MIA2: variants seen among roughly 807,000 people sequenced by gnomAD.
MIA2 encodes the protein melanoma inhibitory activity protein 2.
A neutral mutation model predicts 167.8 loss-of-function variants in MIA2; 127 were observed. The ratio of observed to expected loss-of-function variants is 0.76; its 90% CI spans 0.66 to 0.88. The LOEUF is 0.88. Among genes scored for constraint, MIA2 ranks in the 40% least tolerant of loss-of-function variants. MIA2 has a pLI of 0.00. For missense variants in MIA2, 1,690 were observed against 1,624.7 expected (o/e 1.04, Z -0.69); for synonymous variants, 552 against 541.9 (o/e 1.02, Z -0.26).
intron 9 of MIA2, among the ~76,000 whole-genome samples, chr14:39,285,623 C>G (rs1411976911): frequency 2.6e-5 from 2 of 78,100 alleles, no homozygotes; most frequent in African/African-American, 6.2e-5. Flanking sequence ...GGCTGCCCCC[C>G]ACCTCCCTCC....
intron 23 of MIA2, chr14:39,385,612 T>G: frequency 1.2e-6 from 1 of 818,022 alleles, no homozygotes; most frequent in Non-Finnish European, 2.2e-6. Context: ...TTGCTGGGTC[T>G]CTGGATTGGG....
intron 20 of MIA2, chr14:39,315,006 G>GGT: frequency 2.4e-6 from 1 of 410,206 alleles, no homozygotes; most frequent in Non-Finnish European, 4.2e-6. Context: ...GTATTGGCTG[G>GGT]GTGCAGTGGC....
intron 23 of MIA2, among the ~76,000 whole-genome samples, chr14:39,376,005 G>A (rs2075037959): frequency 6.6e-6 from 1 of 152,112 alleles, no homozygotes; most frequent in Admixed American, 6.5e-5. Context: ...CCAGGCTGGA[G>A]TGCAGTGGCA....
At chr14:39,250,985 A>C (rs2054544821) in intron 4 of MIA2, among the ~76,000 whole-genome samples, 1 of 152,082 alleles carries the variant, frequency 6.6e-6, no homozygotes, top group South Asian at 2.1e-4. Context: ...GTTTTTAAAA[A>C]AGCATCCTAA....
intron 9 of MIA2, among the ~76,000 whole-genome samples, chr14:39,281,624 T>A (rs1378299564): frequency 6.6e-6 from 1 of 151,090 alleles, no homozygotes; most frequent in African/African-American, 2.4e-5. Flanking sequence ...TTTTGGTTTT[T>A]TTTTTTTTTT....
intron 10 of MIA2, among the ~76,000 whole-genome samples, chr14:39,291,915 T>C (rs1355486523): frequency 6.6e-6 from 1 of 152,218 alleles, no homozygotes. Context: ...CACCTGCGTC[T>C]GCAGATACTA....
intron 6 of MIA2, among the ~76,000 whole-genome samples, chr14:39,260,282 ACT>A (rs2055032836): frequency 1.3e-5 from 2 of 152,216 alleles, no homozygotes; most frequent in Admixed American, 1.3e-4. Flanking sequence ...GAATCGCCAC[ACT>A]GTCTTCCACA....
intron 25 of MIA2, among the ~76,000 whole-genome samples, chr14:39,338,647 T>G (rs1183690412): frequency 1.3e-5 from 2 of 152,216 alleles, no homozygotes; most frequent in African/African-American, 4.8e-5. Flanking sequence ...AACCAGTTCA[T>G]TATAAATTCT....
Position 39,247,769 on chromosome 14 carries a change from G to T in MIA2, c.1195G>T (p.Asp399Tyr). Residue 399 changes from aspartate (D) to tyrosine (Y), a missense_variant, in exon 4 of 29, where the codon GAC (aspartate) becomes TAC (tyrosine). By Grantham distance (160) the Asp-to-Tyr change is radical. Coordinates refer to ENST00000640607, the MANE Select transcript of MIA2 (RefSeq NM_001329214.4). ...CAAGGAAGATAAAATTATGTTAGAT[G>T]ACAGGAAAAATGAAGAAGATGGTGG... ...YAKEDKIMLD[D>Y]RKNEEDGGAD... 1.2e-6 allele frequency: 2 copies of T among 1,613,532 alleles called. No homozygotes were observed. Among genetic ancestry groups the T allele is most frequent in the South Asian group, 2.2e-5 (2 of 90,882 alleles).
intron 9 of MIA2, among the ~76,000 whole-genome samples, chr14:39,286,914 C>T (rs566821024): frequency 1.3e-5 from 2 of 151,012 alleles, no homozygotes; most frequent in East Asian, 4.0e-4. Context: ...TTGGTAGAGA[C>T]AGGGTTTCAC....
chr14:39,237,114 C>T, intron 2 of MIA2, 59 bp downstream of exon 2: 1 of 1,575,956 alleles, frequency 6.3e-7, no homozygotes, highest in Non-Finnish European at 8.7e-7. Context: ...CACAAAGATT[C>T]CTTCCTTTTC....
In MIA2 at chr14:39,288,469, A is replaced by ATTTTT. The variant is rs1289953072; in HGVS notation, c.2131-2549_2131-2548insTTTTT. Among the ~76,000 whole-genome samples, 18 of 52,704 alleles carry ATTTTT rather than the reference A, an allele frequency of 3.4e-4. 1 individual carries two copies. Among genetic ancestry groups the ATTTTT allele is most frequent in the African/African-American group, 1.1e-3 (11 of 9,804 alleles). 34.6% of individuals were successfully genotyped at this position (52,704 alleles called of 152,430 possible). On this transcript the variant is annotated intron_variant, in intron 9 of 28. Transcript: ENST00000640607. Reference sequence around the variant, plus strand: ...TATATATATATATATATATATATATATATATATTTTTTTTTTTTTTTTTGA... The same window carrying ATTTTT: ...TATATATATATATATATATATATATATTTTTTATATATTTTTTTTTTTTTTTTTGA...
intron 3 of MIA2, among the ~76,000 whole-genome samples, chr14:39,245,813 C>T (rs1029026802): frequency 4.6e-5 from 7 of 152,026 alleles, no homozygotes; most frequent in Non-Finnish European, 1.0e-4. Flanking sequence ...CCCATTCTGC[C>T]CTTATGGACT....
chr14:39,356,777 A>T (rs2074539048), intron 23 of MIA2, among the ~76,000 whole-genome samples: 1 of 152,224 alleles, frequency 6.6e-6, no homozygotes, highest in Admixed American at 6.5e-5. Context: ...GTTTCAAAGA[A>T]CATCTTTATT....
chr14:39,327,963 A>C (rs899172709), intron 25 of MIA2, among the ~76,000 whole-genome samples: 7 of 152,226 alleles, frequency 4.6e-5, no homozygotes, highest in African/African-American at 1.2e-4. Context: ...AGAATGATTT[A>C]TAATCCTTTG....
intron 6 of MIA2, among the ~76,000 whole-genome samples, chr14:39,264,979 T>C (rs2055374465): frequency 1.3e-5 from 2 of 152,068 alleles, no homozygotes; most frequent in South Asian, 4.1e-4. Context: ...TGGAGGACAG[T>C]CTTTGAATAT....
At chr14:39,315,976 T>C (rs906347540) in intron 21 of MIA2, among the ~76,000 whole-genome samples, 5 of 152,146 alleles carry the variant, frequency 3.3e-5, no homozygotes, top group Admixed American at 2.6e-4. Flanking sequence ...GAAGGTGATA[T>C]AATGTTCATG....
chr14:39,350,944 C>G (rs763224200), downstream of MIA2: 2 of 134,606 alleles, frequency 1.5e-5, no homozygotes, highest in Non-Finnish European at 3.1e-5. Flanking sequence ...GAGTTTCTTG[C>G]ACGGTTTCTT....
At chr14:39,297,666 C>CGTGCGTGTGTGT (rs1555375079) in intron 13 of MIA2, among the ~76,000 whole-genome samples, 1 of 140,074 alleles carries the variant, frequency 7.1e-6, no homozygotes, top group Admixed American at 7.1e-5. Context: ...TAGGGTTTTG[C>CGTGCGTGTGTGT]GTGTGTGTGT....
Sources: gnomAD v4.1 joint callset for allele counts (sites outside exome capture counted in the v4.1 genomes callset) on GRCh38, gnomAD v4.1.1 for gene constraint, MANE v1.5 for transcripts, NCBI Gene and HGNC (gene_info 2026-07-23, HGNC 2026-07-21) for gene names.